The following PIKFYVE variants were observed in gnomAD, a reference collection of about 807,000 sequenced individuals.
The protein encoded by PIKFYVE is phosphoinositide kinase, FYVE-type zinc finger containing, also known as 1-phosphatidylinositol 3-phosphate 5-kinase.
PIKFYVE carries 122 observed loss-of-function variants against 257.9 expected under a neutral mutation model. The ratio of observed to expected loss-of-function variants is 0.47; its 90% CI spans 0.41 to 0.55. The LOEUF is 0.55. Ranked by LOEUF, PIKFYVE falls within the 20% of genes least tolerant of loss-of-function variation. The pLI is 0.00. For synonymous variants in PIKFYVE, 892 were observed against 868.9 expected (o/e 1.03, Z -0.47); for missense variants, 2,160 against 2,536.6 (o/e 0.85, Z 3.19).
rs1176486930 is a variant in PIKFYVE at position 208,353,993 on chromosome 2, A to G, written c.5940A>G (p.Leu1980=). 7 of 1,613,942 alleles carry G rather than the reference A, an allele frequency of 4.3e-6. No homozygotes were observed. The highest frequency in any genetic ancestry group is 5.9e-6 in the Non-Finnish European group (7 of 1,179,978). The change falls in exon 40 of 42, where the codon CTA becomes CTG. Residue 1980 remains leucine, a synonymous_variant. Coordinates refer to ENST00000264380, the MANE Select transcript of PIKFYVE (RefSeq NM_015040.4). The stretch of plus-strand genomic sequence containing the variant: ...TGGTCCTGCTAGATGAAAATCTCCT[A>G]AAGATGGTTCGAGACAACCCTCTAT... ...CDVVLLDENL[L]KMVRDNPLYI... is the part of the protein sequence containing the mutation.
At chr2:208,291,848 T>C (rs1409556177) in intron 7 of PIKFYVE, among the ~76,000 whole-genome samples, 2 of 152,098 alleles carry the variant, frequency 1.3e-5, no homozygotes, top group African/African-American at 2.4e-5. Flanking sequence ...GGATTTAATA[T>C]GCTTTTTGAC....
At chr2:208,297,608 G>T (rs1199629848) in intron 7 of PIKFYVE, among the ~76,000 whole-genome samples, 1 of 152,068 alleles carries the variant, frequency 6.6e-6, no homozygotes, top group African/African-American at 2.4e-5. Context: ...TTCTTTATCT[G>T]TAAAATAGAG....
intron 15 of PIKFYVE, 69 bp downstream of exon 15, chr2:208,315,442 A>G (rs1421906022): frequency 6.4e-7 from 1 of 1,569,276 alleles, no homozygotes; most frequent in Non-Finnish European, 8.7e-7. Flanking sequence ...TTTTTGTCTT[A>G]ATGGTAATCT....
At chr2:208,315,077 A>AT in intron 14 of PIKFYVE, 116 bp from the exon 15 acceptor site, 1 of 966,226 alleles carries the variant, frequency 1.0e-6, no homozygotes. Context: ...AGAAAATCTT[A>AT]TCTGTGAGCC....
intron 36 of PIKFYVE, among the ~76,000 whole-genome samples, chr2:208,350,423 G>A (rs1440996399): frequency 6.6e-6 from 1 of 152,082 alleles, no homozygotes; most frequent in Non-Finnish European, 1.5e-5. Context: ...AGAATAATAT[G>A]TACAGTACAT....
intron 33 of PIKFYVE, 86 bp downstream of exon 33, chr2:208,345,280 TATC>T (rs1211589003): frequency 1.1e-5 from 12 of 1,130,252 alleles, no homozygotes; most frequent in Non-Finnish European, 1.0e-5. Flanking sequence ...TTACAGCATT[TATC>T]ATCATAAAAA....
At chr2:208,328,034 T>C (rs1459036445) in intron 20 of PIKFYVE, 146 bp from the exon 21 acceptor site, 5 of 1,464,436 alleles carry the variant, frequency 3.4e-6, no homozygotes, top group Admixed American at 4.1e-5. Flanking sequence ...CCCTTCCTTA[T>C]ATTTAGTTTT....
chr2:208,339,626 A>G (rs1682214267), intron 30 of PIKFYVE, 71 bp downstream of exon 30: 1 of 1,555,710 alleles, frequency 6.4e-7, no homozygotes, highest in Non-Finnish European at 8.8e-7. Context: ...GATTTACATG[A>G]ATTACAGCCA....
At chr2:208,298,845 C>T (rs1693318899) in intron 8 of PIKFYVE, 66 bp downstream of exon 8, 4 of 1,506,106 alleles carry the variant, frequency 2.7e-6, no homozygotes, top group Non-Finnish European at 3.7e-6. Flanking sequence ...GTGACTGAGT[C>T]TTTTTTTTTC....
intron 7 of PIKFYVE, among the ~76,000 whole-genome samples, chr2:208,297,396 A>T (rs975696450): frequency 6.6e-6 from 1 of 152,226 alleles, no homozygotes; most frequent in African/African-American, 2.4e-5. Context: ...AAAATTGCTT[A>T]TCGGCTATTT....
At chr2:208,331,107 T>C (rs1420839046) in intron 23 of PIKFYVE, among the ~76,000 whole-genome samples, 1 of 152,174 alleles carries the variant, frequency 6.6e-6, no homozygotes, top group African/African-American at 2.4e-5. Flanking sequence ...CTGCAGTATA[T>C]TAGGATATTT....
At chr2:208,267,877 C>G (rs771500692) in intron 1 of PIKFYVE, among the ~76,000 whole-genome samples, 4 of 152,156 alleles carry the variant, frequency 2.6e-5, no homozygotes, top group Non-Finnish European at 5.9e-5. Context: ...CTCCCAGGCT[C>G]AAGGGATTCT....
At chr2:208,336,242 A>G (rs1349861600) in intron 27 of PIKFYVE, 42 bp downstream of exon 27, 7 of 1,609,602 alleles carry the variant, frequency 4.3e-6, no homozygotes, top group Middle Eastern at 3.3e-4. Context: ...TTATTGCCAC[A>G]TTTGTTCTAA....
At chr2:208,316,439 G>A (rs527378529) in intron 15 of PIKFYVE, among the ~76,000 whole-genome samples, 10 of 152,028 alleles carry the variant, frequency 6.6e-5, no homozygotes, top group South Asian at 2.1e-4. Flanking sequence ...CTAGATCCCT[G>A]AGGAATCACC....
intron 12 of PIKFYVE, among the ~76,000 whole-genome samples, chr2:208,310,191 G>T (rs561848387): frequency 5.3e-4 from 80 of 152,212 alleles, no homozygotes; most frequent in Middle Eastern, 3.4e-3. Flanking sequence ...TGGTAGTTAC[G>T]TGAAAAAATA....
chr2:208,333,087 A>G (rs903087513), intron 23 of PIKFYVE, among the ~76,000 whole-genome samples: 2 of 151,702 alleles, frequency 1.3e-5, no homozygotes, highest in African/African-American at 4.8e-5. Context: ...ACAAAAAATT[A>G]GCCGGGCGTG....
chr2:208,312,555 C>G (rs182665945), intron 13 of PIKFYVE, among the ~76,000 whole-genome samples: 1 of 152,122 alleles, frequency 6.6e-6, no homozygotes, highest in African/African-American at 2.4e-5. Flanking sequence ...AGAATTTGAA[C>G]TTAATTCTTT....
intron 23 of PIKFYVE, among the ~76,000 whole-genome samples, chr2:208,332,957 G>A (rs1356940116): frequency 3.3e-5 from 5 of 151,998 alleles, no homozygotes; most frequent in Non-Finnish European, 7.4e-5. Context: ...AATGTTGGCC[G>A]GGTGTGGTGG....
chr2:208,314,850 C>T (rs1013025795), intron 14 of PIKFYVE, among the ~76,000 whole-genome samples: 2 of 151,830 alleles, frequency 1.3e-5, no homozygotes, highest in African/African-American at 4.8e-5. Context: ...GAGCTGAGAT[C>T]GCGCCACTGC....
Sources: allele counts gnomAD v4.1 joint callset (sites outside exome capture counted in the v4.1 genomes callset), GRCh38; gene constraint gnomAD v4.1.1; transcripts MANE v1.5; gene names NCBI Gene and HGNC (gene_info 2026-07-23, HGNC 2026-07-21).